Variants in SUGCT observed in about 807,000 individuals in gnomAD.
SUGCT encodes the protein succinyl-CoA:glutarate-CoA transferase.
A neutral mutation model predicts 55.0 loss-of-function variants in SUGCT; 41 were observed. The ratio of observed to expected loss-of-function variants is 0.74; its 90% confidence interval spans 0.58 to 0.97. The LOEUF is 0.97. SUGCT is among the 50% of genes least tolerant of loss of function. The probability of loss-of-function intolerance (pLI) is 0.00; values close to 1 mark genes in which losing one functional copy is unlikely to be tolerated. For missense variants in SUGCT, 568 were observed against 547.8 expected (o/e 1.04, Z -0.37); for synonymous variants, 187 against 200.4 (o/e 0.93, Z 0.56).
At chr7:40,549,342 CT>C (rs1795178752) in intron 12 of SUGCT, among the ~76,000 whole-genome samples, 1 of 152,076 alleles carries the variant, frequency 6.6e-6, no homozygotes, top group Admixed American at 6.6e-5. Context: ...AAATAAAACT[CT>C]TTTGTAATGA....
intron 12 of SUGCT, among the ~76,000 whole-genome samples, chr7:40,637,577 A>G (rs1584181965): frequency 6.6e-6 from 1 of 152,206 alleles, no homozygotes; most frequent in African/African-American, 2.4e-5. Flanking sequence ...ACTAGAACAC[A>G]TGGCTCTCTA....
intron 8 of SUGCT, among the ~76,000 whole-genome samples, chr7:40,277,794 C>T (rs1792632680): frequency 6.6e-6 from 1 of 151,780 alleles, no homozygotes; most frequent in Non-Finnish European, 1.5e-5. Context: ...CCCATTAACT[C>T]GTCATTTAGC....
chr7:40,904,312 A>G, the SUGCT span, among the ~76,000 whole-genome samples: 5 of 152,212 alleles, frequency 3.3e-5, no homozygotes, highest in Non-Finnish European at 7.3e-5. Context: ...TGTTTGCCTC[A>G]TGGAGGCAGG....
At chr7:40,223,154 G>C (rs544774220) in intron 6 of SUGCT, among the ~76,000 whole-genome samples, 1 of 151,936 alleles carries the variant, frequency 6.6e-6, no homozygotes, top group South Asian at 2.1e-4. Context: ...TCCGCCTCCT[G>C]TGTTCAAGCG....
chr7:40,833,622 A>G (rs1733483), intron 13 of SUGCT, among the ~76,000 whole-genome samples: 88,908 of 152,130 alleles, frequency 0.58, 26,926 homozygotes, highest in South Asian at 0.75. Context: ...CTCTAGAACC[A>G]TTCCTTTCAG....
intron 13 of SUGCT, among the ~76,000 whole-genome samples, chr7:40,817,744 G>A (rs1271231081): frequency 2.6e-5 from 4 of 152,148 alleles, no homozygotes; most frequent in African/African-American, 9.7e-5. Context: ...TGGGATGCCT[G>A]AGGAAGAACC....
chr7:40,948,569 T>C, the SUGCT span, among the ~76,000 whole-genome samples: 1 of 152,150 alleles, frequency 6.6e-6, no homozygotes, highest in Non-Finnish European at 1.5e-5. Context: ...ACCCGTCATC[T>C]ACACTAGGTA....
At chr7:40,283,953 T>C (rs1793143238) in intron 8 of SUGCT, among the ~76,000 whole-genome samples, 2 of 152,216 alleles carry the variant, frequency 1.3e-5, no homozygotes, top group South Asian at 2.1e-4. Context: ...ATATATGCAA[T>C]GTAATTTGGT....
chr7:40,328,786 GGAGAA>G, intron 9 of SUGCT, among the ~76,000 whole-genome samples: 1 of 152,040 alleles, frequency 6.6e-6, no homozygotes, highest in Non-Finnish European at 1.5e-5. Flanking sequence ...TATGTGTTTT[GGAGAA>G]AAGAGACTGA....
chr7:40,719,399 A>C (rs1010303626), intron 12 of SUGCT, among the ~76,000 whole-genome samples: 2 of 152,132 alleles, frequency 1.3e-5, no homozygotes, highest in Non-Finnish European at 2.9e-5. Flanking sequence ...ACCCCTGACC[A>C]TGGTCTCCCT....
intron 12 of SUGCT, among the ~76,000 whole-genome samples, chr7:40,702,287 A>G (rs532448687): frequency 2.6e-5 from 4 of 152,360 alleles, no homozygotes; most frequent in Non-Finnish European, 5.9e-5. Flanking sequence ...AAAGAAATTT[A>G]AAATCTAGTT....
Position 40,860,595 on chromosome 7 carries a change from T to C in SUGCT, c.*116T>C, listed in dbSNP as rs935911681. 1 of 1,106,622 alleles carries C rather than the reference T, an allele frequency of 9.0e-7. No homozygotes were observed. The highest frequency in any genetic ancestry group is 1.2e-6 in the Non-Finnish European group (1 of 814,428). The allele number at this position is 1,106,622 out of a possible 1,614,324, so 68.6% of individuals were successfully genotyped here. A position where few individuals can be genotyped will look rare whatever the true frequency, so the allele number is the denominator to read the frequency against. On this transcript the variant is annotated 3_prime_UTR_variant, in exon 14 of 14. Coordinates refer to ENST00000335693, the MANE Select transcript of SUGCT (RefSeq NM_001193313.2). ...CACTAAAAAGAAGATTTAGAGTAACTCCAGATTTCTTACATGGCATCTCCA... is the reference window on the plus strand; with the variant it reads ...CACTAAAAAGAAGATTTAGAGTAACCCCAGATTTCTTACATGGCATCTCCA...
At chr7:40,832,638 A>C (rs1584506434) in intron 13 of SUGCT, among the ~76,000 whole-genome samples, 1 of 145,274 alleles carries the variant, frequency 6.9e-6, no homozygotes, top group Admixed American at 6.9e-5. Flanking sequence ...GGCCAGATAT[A>C]CCTATTGCTT....
chr7:40,898,377 G>A, the SUGCT span, among the ~76,000 whole-genome samples: 1 of 150,414 alleles, frequency 6.6e-6, no homozygotes, highest in East Asian at 2.0e-4. Flanking sequence ...GCAAGAGCAC[G>A]AACCCACCAG....
At chr7:40,370,254 A>T (rs1398068836) in intron 9 of SUGCT, among the ~76,000 whole-genome samples, 1 of 152,148 alleles carries the variant, frequency 6.6e-6, no homozygotes, top group Non-Finnish European at 1.5e-5. Flanking sequence ...ATAGGCAAAA[A>T]AGAAGGAAGA....
chr7:40,574,493 G>A (rs1796617903), intron 12 of SUGCT, among the ~76,000 whole-genome samples: 1 of 152,060 alleles, frequency 6.6e-6, no homozygotes, highest in Non-Finnish European at 1.5e-5. Context: ...GTGCAGTGGT[G>A]TGATCTTGGC....
At chr7:40,410,714 C>T (rs938126996) in intron 9 of SUGCT, among the ~76,000 whole-genome samples, 2 of 152,112 alleles carry the variant, frequency 1.3e-5, no homozygotes, top group East Asian at 1.9e-4. Context: ...TAAGTCCTTA[C>T]GTATCTGAAG....
At chr7:40,573,995 TG>T (rs770037271) in intron 12 of SUGCT, among the ~76,000 whole-genome samples, 13 of 152,246 alleles carry the variant, frequency 8.5e-5, no homozygotes, top group African/African-American at 1.2e-4. Flanking sequence ...TTGATGAAAC[TG>T]TGTTATTCTG....
chr7:40,761,850 C>T (rs911495855), intron 13 of SUGCT, among the ~76,000 whole-genome samples: 41 of 152,168 alleles, frequency 2.7e-4, no homozygotes, highest in Non-Finnish European at 1.0e-4. Context: ...ACTGACCGTC[C>T]TCCGAGGGTC....
Sources: allele counts gnomAD v4.1 joint callset (sites outside exome capture counted in the v4.1 genomes callset), GRCh38; gene constraint gnomAD v4.1.1; transcripts MANE v1.5; gene names NCBI Gene and HGNC (gene_info 2026-07-23, HGNC 2026-07-21).